GRXCR1: variants seen among roughly 807,000 people sequenced by gnomAD.
GRXCR1 encodes glutaredoxin and cysteine rich domain containing 1, also known as glutaredoxin domain-containing cysteine-rich protein 1.
Under a neutral mutation model 27.3 loss-of-function variants are expected in GRXCR1, and 27 were observed. The observed-to-expected ratio is 0.99, with a 90% CI of 0.73 to 1.37. GRXCR1 has a LOEUF of 1.37. Among genes scored for constraint, GRXCR1 ranks in the 40% most tolerant of loss-of-function variants. GRXCR1 has a pLI of 0.00. For missense variants in GRXCR1, 379 were observed against 354.4 expected (o/e 1.07, Z -0.56); for synonymous variants, 122 against 131.1 (o/e 0.93, Z 0.47).
intron 1 of GRXCR1, among the ~76,000 whole-genome samples, chr4:42,938,037 T>G (rs1156541124): frequency 6.6e-6 from 1 of 151,938 alleles, no homozygotes; most frequent in Non-Finnish European, 1.5e-5. Flanking sequence ...CTAACTATAT[T>G]TTTGTACTCA....
chr4:42,998,021 G>A (rs1479631306), intron 2 of GRXCR1, among the ~76,000 whole-genome samples: 2 of 152,032 alleles, frequency 1.3e-5, no homozygotes, highest in Non-Finnish European at 2.9e-5. Flanking sequence ...TTTTAAAAGC[G>A]TATATTTCTT....
In GRXCR1 at chr4:42,893,462, A is replaced by G. The variant is rs1746279297; in HGVS notation, c.196A>G (p.Ile66Val). ...GDSDGQQNGH[I>V]ESEGDENEND... is the part of the protein sequence containing the mutation. Reference sequence around the variant, plus strand: ...TTCCGATGGACAGCAGAATGGCCACATAGAGTCAGAAGGTGATGAGAATGA... The same window carrying G: ...TTCCGATGGACAGCAGAATGGCCACGTAGAGTCAGAAGGTGATGAGAATGA... Residue 66 changes from isoleucine to valine, a missense_variant, in exon 1 of 4, where the codon ATA (isoleucine) becomes GTA (valine). Transcript: ENST00000399770. 6.2e-7 allele frequency: 1 copy of G among 1,613,786 alleles called. No homozygotes were observed. Among genetic ancestry groups the G allele is most frequent in the African/African-American group, 1.3e-5 (1 of 74,912 alleles).
intron 2 of GRXCR1, among the ~76,000 whole-genome samples, chr4:42,999,916 G>T: frequency 6.6e-6 from 1 of 152,190 alleles, no homozygotes; most frequent in Non-Finnish European, 1.5e-5. Context: ...TCTGGTTAAT[G>T]TGTCTTTGTT....
chr4:42,945,995 C>A (rs1461417933), intron 1 of GRXCR1, among the ~76,000 whole-genome samples: 2 of 152,064 alleles, frequency 1.3e-5, no homozygotes, highest in African/African-American at 2.4e-5. Flanking sequence ...CAAAAGAGTC[C>A]TTCTGGTGAT....
At chr4:42,964,490 T>C (rs556363859) in intron 2 of GRXCR1, among the ~76,000 whole-genome samples, 1 of 152,178 alleles carries the variant, frequency 6.6e-6, no homozygotes, top group South Asian at 2.1e-4. Flanking sequence ...TGTGAGAATA[T>C]TGAGCTAATA....
In GRXCR1 at chr4:42,893,123, G is replaced by A. The variant is rs11947487; in HGVS notation, c.-144G>A. Reference sequence around the variant, plus strand: ...AGCAGAGACACACTGTAAGTCCTTGGGAATCTTCTTTCCTTTTGATGTTAG... The same window carrying A: ...AGCAGAGACACACTGTAAGTCCTTGAGAATCTTCTTTCCTTTTGATGTTAG... On this transcript the variant is annotated 5_prime_UTR_variant, in exon 1 of 4. Transcript: ENST00000399770. 1,769 of 880,506 alleles carry A rather than the reference G, an allele frequency of 2.0e-3. 23 individuals carry two copies. The African/African-American group carries it at 0.025, about 12-fold the overall frequency. 54.5% of individuals were successfully genotyped at this position (880,506 alleles called of 1,614,324 possible).
chr4:43,026,516 G>A (rs944791515), intron 3 of GRXCR1, among the ~76,000 whole-genome samples: 3 of 151,928 alleles, frequency 2.0e-5, no homozygotes, highest in Non-Finnish European at 4.4e-5. Context: ...GGGAGCTTTA[G>A]TGGGTTGCCT....
chr4:42,955,457 G>A (rs895852265), intron 1 of GRXCR1, among the ~76,000 whole-genome samples: 1 of 152,042 alleles, frequency 6.6e-6, no homozygotes, highest in Non-Finnish European at 1.5e-5. Flanking sequence ...AACCACGTGT[G>A]GTTCAGTGTT....
intron 1 of GRXCR1, among the ~76,000 whole-genome samples, chr4:42,921,762 C>T (rs773166366): frequency 1.3e-5 from 2 of 152,120 alleles, no homozygotes; most frequent in Admixed American, 6.6e-5. Flanking sequence ...CTAAAACATT[C>T]ATTCTCTGAT....
At chr4:42,941,347 A>G (rs538749714) in intron 1 of GRXCR1, among the ~76,000 whole-genome samples, 6 of 152,204 alleles carry the variant, frequency 3.9e-5, no homozygotes, top group Admixed American at 1.3e-4. Flanking sequence ...TAGGTCAGGA[A>G]TTGTAAGTAA....
At chr4:42,966,928 A>T (rs191646262) in intron 2 of GRXCR1, among the ~76,000 whole-genome samples, 2 of 152,068 alleles carry the variant, frequency 1.3e-5, no homozygotes, top group Non-Finnish European at 2.9e-5. Flanking sequence ...AGTTCTTTGT[A>T]TATTTTGGAT....
chr4:42,995,744 TTA>T (rs1373238160), intron 2 of GRXCR1, among the ~76,000 whole-genome samples: 1 of 152,234 alleles, frequency 6.6e-6, no homozygotes, highest in African/African-American at 2.4e-5. Context: ...TTTTAAATTT[TTA>T]TGTTTTTTAC....
At chr4:42,921,892 C>T (rs1477538524) in intron 1 of GRXCR1, among the ~76,000 whole-genome samples, 1 of 152,084 alleles carries the variant, frequency 6.6e-6, no homozygotes, top group Non-Finnish European at 1.5e-5. Flanking sequence ...TCCTCATCCT[C>T]CTCCCCTTCC....
chr4:42,970,001 C>G (rs1748348092), intron 2 of GRXCR1, among the ~76,000 whole-genome samples: 1 of 152,036 alleles, frequency 6.6e-6, no homozygotes, highest in South Asian at 2.1e-4. Flanking sequence ...GAAAATTGGC[C>G]AAAACCAAGG....
chr4:42,932,599 TATATATATATATATATATATAG>T lies in GRXCR1; in HGVS notation c.385-30291_385-30270del, dbSNP rs1441338426. Among the ~76,000 whole-genome samples, 127 of 57,696 alleles carry T rather than the reference TATATATATATATATATATATAG, an allele frequency of 2.2e-3. 1 individual carries two copies. The highest frequency in any genetic ancestry group is 3.5e-3 in the Admixed American group (16 of 4,560). The allele number at this position is 57,696 out of a possible 152,430, so 37.9% of individuals were successfully genotyped here. On this transcript the variant is annotated intron_variant, in intron 1 of 3. Coordinates refer to ENST00000399770, the MANE Select transcript of GRXCR1 (RefSeq NM_001080476.3). ...TTCCATATATATATATATATATATA[TATATATATATATATATATATAG>T]AGAGAGAGAGAGAGAGAGAGAGAGA...
intron 1 of GRXCR1, among the ~76,000 whole-genome samples, chr4:42,942,134 G>A (rs76417649): frequency 0.02 from 3,018 of 151,968 alleles, 44 homozygotes; most frequent in Non-Finnish European, 0.03. Context: ...TCTGATAGTA[G>A]GCATGGTAAC....
At chr4:42,998,986 A>G (rs1157373718) in intron 2 of GRXCR1, among the ~76,000 whole-genome samples, 1 of 152,212 alleles carries the variant, frequency 6.6e-6, no homozygotes, top group African/African-American at 2.4e-5. Flanking sequence ...AAGTATTTTA[A>G]GTCAATAGAA....
At chr4:43,000,847 T>C (rs1038696325) in intron 2 of GRXCR1, among the ~76,000 whole-genome samples, 2 of 152,146 alleles carry the variant, frequency 1.3e-5, no homozygotes, top group African/African-American at 2.4e-5. Flanking sequence ...ATGACTATAT[T>C]ACCAATTCGT....
At chr4:42,971,330 G>C (rs9997108) in intron 2 of GRXCR1, among the ~76,000 whole-genome samples, 16,669 of 152,070 alleles carry the variant, frequency 0.11, 1,412 homozygotes, top group African/African-American at 0.24. Flanking sequence ...TTTTATATAT[G>C]TTTATAGCAA....
Sources: allele counts gnomAD v4.1 joint callset (sites outside exome capture counted in the v4.1 genomes callset), GRCh38; gene constraint gnomAD v4.1.1; transcripts MANE v1.5; gene names NCBI Gene and HGNC (gene_info 2026-07-23, HGNC 2026-07-21).